SLC2A3: variants seen among roughly 807,000 people sequenced by gnomAD.
SLC2A3 encodes solute carrier family 2 member 3, also known as solute carrier family 2, facilitated glucose transporter member 3.
A neutral mutation model predicts 46.4 loss-of-function variants in SLC2A3; 21 were observed. That is an observed-to-expected ratio of 0.45 (90% confidence interval 0.32 to 0.65). The LOEUF is 0.65. SLC2A3 is among the 30% of genes least tolerant of loss of function. SLC2A3 has a pLI of 0.04. For missense variants in SLC2A3, 499 were observed against 623.3 expected, an observed-to-expected ratio of 0.80 and a Z score of 2.12; for synonymous variants, 213 against 239.4, an observed-to-expected ratio of 0.89 and a Z score of 1.02.
At chr12:7,926,429 C>G (rs1475512010) in intron 6 of SLC2A3, among the ~76,000 whole-genome samples, 3 of 152,188 alleles carry the variant, frequency 2.0e-5, no homozygotes, top group Non-Finnish European at 4.4e-5. Flanking sequence ...TCTAGCTACT[C>G]ATTTACATTG....
In SLC2A3 at chr12:7,929,567, T is replaced by C. The variant is rs1308914573; in HGVS notation, c.861+117A>G. 1.9e-5 allele frequency: 28 copies of C among 1,437,598 alleles called. No homozygotes were observed. The South Asian group carries it at 3.5e-4, about 18-fold the overall frequency. The allele number at this position is 1,437,598 out of a possible 1,614,324, so 89.1% of individuals were successfully genotyped here. A position where few individuals can be genotyped will look rare whatever the true frequency, so the allele number is the denominator to read the frequency against. On this transcript the variant is annotated intron_variant, in intron 6 of 9. Transcript: ENST00000075120. ...GCAACCTGAAACTCCTGAGCTCAAG[T>C]GATCCTCTTACCTCAGCCTCCTGAG...
rs142463616 is a variant in SLC2A3 at position 7,931,099 on chromosome 12, G to A, written c.510+146C>T. ...GCGTGAGCCACAGCGCCCGGCCTCAGCCTGCTTCTTCAGCTACTATCTATT... is the reference window on the plus strand; with the variant it reads ...GCGTGAGCCACAGCGCCCGGCCTCAACCTGCTTCTTCAGCTACTATCTATT... On this transcript the variant is annotated intron_variant, in intron 4 of 9. Transcript: ENST00000075120. The A allele has an allele frequency of 1.8e-4, 259 of 1,412,252 alleles. No homozygotes were observed. In the African/African-American group the frequency reaches 2.9e-3, roughly 16 times the overall value. The allele number at this position is 1,412,252 out of a possible 1,614,324, so 87.5% of individuals were successfully genotyped here.
intron 1 of SLC2A3, 39 bp downstream of exon 1, chr12:7,935,981 C>G (rs1293531078): frequency 1.3e-6 from 2 of 1,548,920 alleles, no homozygotes; most frequent in Non-Finnish European, 1.8e-6. Context: ...GAGTGTATCC[C>G]AAACAAGCAA....
At chr12:7,929,067 T>C (rs1444907951) in intron 6 of SLC2A3, among the ~76,000 whole-genome samples, 1 of 152,020 alleles carries the variant, frequency 6.6e-6, no homozygotes, top group African/African-American at 2.4e-5. Context: ...AGAACCAACT[T>C]ACTATTTTGA....
In SLC2A3 at chr12:7,932,936, C is replaced by G. The variant is rs768104081; in HGVS notation, c.269+51G>C. On this transcript the variant is annotated intron_variant, in intron 3 of 9. Coordinates refer to ENST00000075120, the MANE Select transcript of SLC2A3 (RefSeq NM_006931.3). ...CCCTGCCCTAACTCTCCACACTTGT[C>G]CTCAATGTGGCTGGTAGAGCCCACT... 3.1e-6 allele frequency: 5 copies of G among 1,606,828 alleles called. No individual in the cohort carries two copies. In the East Asian group the frequency reaches 1.1e-4, roughly 36 times the overall value.
At chr12:7,929,487 C>A (rs1433391602) in intron 6 of SLC2A3, 197 bp downstream of exon 6, 13 of 640,938 alleles carry the variant, frequency 2.0e-5, no homozygotes, top group Non-Finnish European at 3.1e-5. Context: ...ATTTCAGAGA[C>A]ACAGTCTCAC....
rs1177263743 is a variant in SLC2A3 at position 7,919,639 on chromosome 12, C to G, written c.*1774G>C. On this transcript the variant is annotated 3_prime_UTR_variant, in exon 10 of 10. Transcript: ENST00000075120. ...GTTTCACGATGTTGGCCAGACTGGTCTCGAACCCCTGACCGCCCGCCTAGG... is the reference window on the plus strand; with the variant it reads ...GTTTCACGATGTTGGCCAGACTGGTGTCGAACCCCTGACCGCCCGCCTAGG... The G allele has an allele frequency of 6.6e-6, 1 of 152,034 alleles. No homozygotes were observed. Among genetic ancestry groups the G allele is most frequent in the East Asian group, 1.9e-4 (1 of 5,188 alleles). 9.4% of individuals were successfully genotyped at this position (152,034 alleles called of 1,614,324 possible). A position where few individuals can be genotyped will look rare whatever the true frequency, so the allele number is the denominator to read the frequency against.
chr12:7,931,183 T>C (rs1202128994), intron 4 of SLC2A3, 62 bp downstream of exon 4: 2 of 1,600,050 alleles, frequency 1.2e-6, no homozygotes, highest in Non-Finnish European at 8.5e-7. Flanking sequence ...GCTTTACCTA[T>C]GTTAACTTTT....
At chr12:7,933,950 T>C (rs1051977732) in intron 1 of SLC2A3, 48 bp from the exon 2 acceptor site, 4 of 1,541,744 alleles carry the variant, frequency 2.6e-6, no homozygotes, top group African/African-American at 1.4e-5. Context: ...AAACTTGTGA[T>C]TGATGACTGT....
chr12:7,924,262 C>T, intron 8 of SLC2A3, 148 bp downstream of exon 8: 1 of 1,392,288 alleles, frequency 7.2e-7, no homozygotes, highest in Non-Finnish European at 9.8e-7. Flanking sequence ...TCTGACGACC[C>T]ATGTTTCTTA....
intron 9 of SLC2A3, among the ~76,000 whole-genome samples, chr12:7,922,282 C>T (rs965214260): frequency 1.1e-4 from 17 of 152,054 alleles, no homozygotes; most frequent in African/African-American, 3.4e-4. Context: ...TCAGGTTGGT[C>T]CCCAACTCCT....
chr12:7,925,185 T>C (rs998307666), intron 7 of SLC2A3, among the ~76,000 whole-genome samples: 2 of 152,230 alleles, frequency 1.3e-5, no homozygotes, highest in Non-Finnish European at 2.9e-5. Flanking sequence ...TGGTTGTGTA[T>C]TTCTGTGCTT....
At chr12:7,923,177 T>C in intron 8 of SLC2A3, 153 bp from the exon 9 acceptor site, 2 of 806,872 alleles carry the variant, frequency 2.5e-6, no homozygotes, top group South Asian at 3.9e-5. Context: ...TATTTTTATT[T>C]TTATTTTTTG....
chr12:7,931,253 C>G lies in SLC2A3; in HGVS notation c.502G>C (p.Val168Leu). The part of the protein sequence containing the change: ...NQLGIVVGIL[V>L]AQIFGLEFIL... ...GAGAAGTTCTAGAGTACCTGGGCCA[C>G]CAGAATTCCAACAACGATGCCCAGC... Residue 168 changes from valine (V) to leucine (L), a missense_variant, in exon 4 of 10, where the codon GTG becomes CTG. By Grantham distance (32) the Val-to-Leu change is conservative. Transcript: ENST00000075120. 6.2e-7 allele frequency: 1 copy of G among 1,614,150 alleles called. No individual in the cohort carries two copies. The highest frequency in any genetic ancestry group is 8.5e-7 in the Non-Finnish European group (1 of 1,180,018).
intron 1 of SLC2A3, among the ~76,000 whole-genome samples, chr12:7,935,219 C>T (rs754207203): frequency 1.3e-5 from 2 of 152,194 alleles, no homozygotes; most frequent in South Asian, 2.1e-4. Context: ...CTTGGGAGGC[C>T]GAGGCCGGCG....
At chr12:7,927,417 ATT>A (rs1199417927) in intron 6 of SLC2A3, among the ~76,000 whole-genome samples, 4 of 152,124 alleles carry the variant, frequency 2.6e-5, no homozygotes, top group Non-Finnish European at 4.4e-5. Context: ...TCTCAATAAA[ATT>A]TCTCATAGTA....
chr12:7,928,736 G>A (rs1020630164), intron 6 of SLC2A3, among the ~76,000 whole-genome samples: 3 of 151,998 alleles, frequency 2.0e-5, no homozygotes, highest in Non-Finnish European at 4.4e-5. Flanking sequence ...AATACGTGTG[G>A]CCTACATTAT....
intron 5 of SLC2A3, 54 bp downstream of exon 5, chr12:7,930,426 C>T: frequency 6.4e-7 from 1 of 1,559,424 alleles, no homozygotes; most frequent in South Asian, 1.1e-5. Context: ...ACAATCATCC[C>T]TAAAACAAAC....
chr12:7,935,246 G>A (rs1350299382), intron 1 of SLC2A3, among the ~76,000 whole-genome samples: 1 of 152,136 alleles, frequency 6.6e-6, no homozygotes, highest in African/African-American at 2.4e-5. Flanking sequence ...CTGAGGTCGG[G>A]AGTCGAGACC....
Sources: gnomAD v4.1 joint callset for allele counts (sites outside exome capture counted in the v4.1 genomes callset) on GRCh38, gnomAD v4.1.1 for gene constraint, MANE v1.5 for transcripts, NCBI Gene and HGNC (gene_info 2026-07-23, HGNC 2026-07-21) for gene names.